The following COL26A1 variants were observed in gnomAD, a reference collection of about 807,000 sequenced individuals.
COL26A1 encodes collagen alpha-1(XXVI) chain.
COL26A1 carries 41 observed loss-of-function variants against 59.3 expected under a neutral mutation model. That is an observed-to-expected ratio of 0.69 (90% CI 0.54 to 0.90). The LOEUF (loss-of-function observed/expected upper bound fraction) is 0.90. COL26A1 is among the 40% of genes least tolerant of loss of function. COL26A1 has a pLI of 0.00. For synonymous variants in COL26A1, 266 were observed against 256.0 expected (o/e 1.04, Z -0.37); for missense variants, 612 against 602.3 (o/e 1.02, Z -0.17).
chr7:101,545,478 A>G lies in COL26A1; in HGVS notation c.844A>G (p.Thr282Ala), dbSNP rs1795716733. 2 of 1,605,182 alleles carry G rather than the reference A, an allele frequency of 1.2e-6. No individual in the cohort carries two copies. The highest frequency in any genetic ancestry group is 4.5e-5 in the East Asian group (2 of 44,314). ...QGALYSLQPP[T>A]DKDNGDSRLA... ...CGCCCTCTACTCCCTGCAGCCGCCT[A>G]CAGACAAAGACAGTGAGTAATGCCC... Residue 282 changes from threonine to alanine, a missense_variant, in exon 7 of 13, where the codon ACA becomes GCA. Coordinates refer to ENST00000313669, the MANE Select transcript of COL26A1 (RefSeq NM_001278563.3).
In COL26A1 at chr7:101,539,747, G is replaced by A. The variant is rs117894148; in HGVS notation, c.448-146G>A. Reference sequence around the variant, plus strand: ...GGAGGGAACCTGGGCCACGAGTGAGGTTCTCCCACTAAGGAGCGTGACGGG... The same window carrying A: ...GGAGGGAACCTGGGCCACGAGTGAGATTCTCCCACTAAGGAGCGTGACGGG... On this transcript the variant is annotated intron_variant, in intron 4 of 12. Transcript: ENST00000313669. The A allele has an allele frequency of 5.3e-4, 412 of 777,950 alleles. 3 individuals carry two copies. The East Asian group carries it at 0.012, about 23-fold the overall frequency. The allele number at this position is 777,950 out of a possible 1,614,324, so 48.2% of individuals were successfully genotyped here.
intron 3 of COL26A1, among the ~76,000 whole-genome samples, chr7:101,448,097 G>T (rs981844917): frequency 2.0e-5 from 3 of 152,196 alleles, no homozygotes; most frequent in African/African-American, 7.2e-5. Flanking sequence ...TCCACTTTTG[G>T]CTCCGATGCA....
intron 5 of COL26A1, among the ~76,000 whole-genome samples, chr7:101,541,282 C>G (rs1795612305): frequency 6.6e-6 from 1 of 152,210 alleles, no homozygotes; most frequent in Admixed American, 6.5e-5. Flanking sequence ...TCTGAACTCT[C>G]TGGCTGGAAT....
chr7:101,550,981 G>T, intron 9 of COL26A1, 127 bp from the exon 10 acceptor site: 1 of 1,081,956 alleles, frequency 9.2e-7, no homozygotes, highest in Non-Finnish European at 1.4e-6. Flanking sequence ...TGCCGGCCGG[G>T]CCATCCTCCT....
At chr7:101,501,590 C>G (rs950432243) in intron 3 of COL26A1, among the ~76,000 whole-genome samples, 2 of 151,890 alleles carry the variant, frequency 1.3e-5, no homozygotes, top group Non-Finnish European at 2.9e-5. Context: ...CTTTTCAGCC[C>G]TTGTCACTCT....
intron 1 of COL26A1, among the ~76,000 whole-genome samples, chr7:101,382,817 G>T (rs956481582): frequency 1.6e-4 from 25 of 152,158 alleles, no homozygotes; most frequent in African/African-American, 5.8e-4. Context: ...AGGCTGAGGC[G>T]GGCAGACTGC....
chr7:101,422,372 G>GAAAA (rs3072484), intron 2 of COL26A1, among the ~76,000 whole-genome samples: 4 of 72,978 alleles, frequency 5.5e-5, no homozygotes, highest in East Asian at 4.5e-4. Flanking sequence ...GGTCCAAAAT[G>GAAAA]AAAAAAAAAA....
chr7:101,464,012 C>T (rs62464278), intron 3 of COL26A1, among the ~76,000 whole-genome samples: 11,008 of 150,628 alleles, frequency 0.073, 529 homozygotes, highest in Middle Eastern at 0.14. Flanking sequence ...GTCACCCAGG[C>T]TAAATTGCAG....
At chr7:101,504,830 T>C (rs1210981309) in intron 3 of COL26A1, among the ~76,000 whole-genome samples, 4 of 152,072 alleles carry the variant, frequency 2.6e-5, no homozygotes, top group African/African-American at 9.7e-5. Flanking sequence ...TGTGTGTATG[T>C]GTGTGTGTAT....
chr7:101,535,068 G>A (rs547439811), intron 4 of COL26A1, among the ~76,000 whole-genome samples: 13 of 152,344 alleles, frequency 8.5e-5, no homozygotes, highest in South Asian at 2.1e-4. Context: ...ATGCATTCGC[G>A]GCTTCCCTTG....
intron 1 of COL26A1, among the ~76,000 whole-genome samples, chr7:101,412,644 CAAAAAA>C (rs55967503): frequency 1.3e-3 from 111 of 88,006 alleles, no homozygotes; most frequent in African/African-American, 4.7e-3. Flanking sequence ...GACTCCGTCT[CAAAAAA>C]AAAAAAAAAA....
At chr7:101,471,545 A>G (rs1376581950) in intron 3 of COL26A1, among the ~76,000 whole-genome samples, 1 of 147,670 alleles carries the variant, frequency 6.8e-6, no homozygotes, top group Non-Finnish European at 1.5e-5. Context: ...GCTAAGAATA[A>G]TGTTTTGTTG....
chr7:101,438,870 G>C (rs953439027), intron 2 of COL26A1, among the ~76,000 whole-genome samples: 1 of 151,756 alleles, frequency 6.6e-6, no homozygotes, highest in Non-Finnish European at 1.5e-5. Flanking sequence ...TTTTAGTAGA[G>C]ATGGGGTTTC....
chr7:101,402,660 T>C (rs867456893), intron 1 of COL26A1, among the ~76,000 whole-genome samples: 7 of 111,222 alleles, frequency 6.3e-5, no homozygotes, highest in African/African-American at 1.8e-4. Context: ...CCTTCCTTCC[T>C]TCCCTCCCTC....
At chr7:101,490,716 G>A (rs1390576313) in intron 3 of COL26A1, among the ~76,000 whole-genome samples, 3 of 147,278 alleles carry the variant, frequency 2.0e-5, no homozygotes, top group African/African-American at 7.6e-5. Flanking sequence ...AAAAGGTCGG[G>A]CACTATGGAC....
chr7:101,520,590 G>C (rs148414201), intron 3 of COL26A1, among the ~76,000 whole-genome samples: 2 of 149,934 alleles, frequency 1.3e-5, no homozygotes, highest in African/African-American at 5.0e-5. Flanking sequence ...AGGAGGCAAA[G>C]GTGGGAGGAA....
intron 1 of COL26A1, among the ~76,000 whole-genome samples, chr7:101,383,565 C>T (rs1053682508): frequency 6.6e-5 from 10 of 150,878 alleles, no homozygotes; most frequent in South Asian, 2.1e-4. Context: ...GACAGAGTCT[C>T]GCTCTGTTGC....
At chr7:101,503,039 C>T (rs1295845616) in intron 3 of COL26A1, among the ~76,000 whole-genome samples, 1 of 152,222 alleles carries the variant, frequency 6.6e-6, no homozygotes, top group Non-Finnish European at 1.5e-5. Context: ...CCAGAACCTT[C>T]TCCAGCTCAT....
chr7:101,416,215 T>C, intron 1 of COL26A1, among the ~76,000 whole-genome samples: 1 of 142,584 alleles, frequency 7.0e-6, no homozygotes, highest in African/African-American at 2.5e-5. Context: ...GCAACATAGC[T>C]AGACCCTGTT....
Sources: gnomAD v4.1 joint callset for allele counts (sites outside exome capture counted in the v4.1 genomes callset) on GRCh38, gnomAD v4.1.1 for gene constraint, MANE v1.5 for transcripts, NCBI Gene and HGNC (gene_info 2026-07-23, HGNC 2026-07-21) for gene names.